The following ZNF717 variants were observed in gnomAD, a reference collection of about 807,000 sequenced individuals.
ZNF717 encodes krueppel-like factor X17.
ZNF717 carries 9 observed loss-of-function variants against 13.8 expected under a neutral mutation model. The ratio of observed to expected loss-of-function variants is 0.65; its 90% confidence interval spans 0.39 to 1.14. The LOEUF (loss-of-function observed/expected upper bound fraction) is 1.14. Ranked by LOEUF, ZNF717 falls within the 50% of genes most tolerant of loss-of-function variation. The pLI, the probability that ZNF717 is intolerant of heterozygous loss-of-function variation, is 0.01. For synonymous variants in ZNF717, 327 were observed against 364.1 expected (o/e 0.90, Z 1.16); for missense variants, 1,040 against 1,080.7 (o/e 0.96, Z 0.53).
At chr3:75,743,219 A>C (rs1940702452) in intron 2 of ZNF717, among the ~76,000 whole-genome samples, 1 of 152,254 alleles carries the variant, frequency 6.6e-6, no homozygotes. Context: ...TCTTTAGATT[A>C]CATATAATAC....
chr3:75,732,003 G>A (rs1266202349), downstream of ZNF717: 27 of 699,396 alleles, frequency 3.9e-5, no homozygotes, highest in Non-Finnish European at 7.0e-5. Context: ...ACAACTCAAG[G>A]AGGTAAAAAC....
intron 2 of ZNF717, among the ~76,000 whole-genome samples, chr3:75,765,007 A>ATGTGTG (rs1559661667): frequency 3.7e-5 from 1 of 26,784 alleles, no homozygotes; most frequent in African/African-American, 1.2e-4. Flanking sequence ...ATATATATAT[A>ATGTGTG]TATATATATA....
chr3:75,783,400 G>C (rs761889832), intron 1 of ZNF717, 36 bp from the exon 2 acceptor site: 1 of 1,515,718 alleles, frequency 6.6e-7, no homozygotes, highest in South Asian at 1.2e-5. Context: ...ATTAAGGAGA[G>C]AACTGGTGTG....
intron 2 of ZNF717, among the ~76,000 whole-genome samples, chr3:75,748,465 A>T (rs1229904193): frequency 3.9e-5 from 6 of 152,202 alleles, no homozygotes; most frequent in Non-Finnish European, 7.3e-5. Flanking sequence ...AACCTAATCC[A>T]GCAGCACATC....
intron 5 of ZNF717, among the ~76,000 whole-genome samples, chr3:75,714,309 G>C (rs796761508): frequency 1.3e-5 from 2 of 151,538 alleles, no homozygotes; most frequent in Non-Finnish European, 2.9e-5. Context: ...ACCACGGTCC[G>C]CTTAGGTCAC....
chr3:75,714,301 C>G (rs1427910943), intron 5 of ZNF717, among the ~76,000 whole-genome samples: 1 of 151,942 alleles, frequency 6.6e-6, no homozygotes, highest in Admixed American at 6.6e-5. Flanking sequence ...ACTGCTAGAC[C>G]ACGGTCCGCT....
At chr3:75,753,109 G>C (rs1281183328) in intron 2 of ZNF717, among the ~76,000 whole-genome samples, 2 of 138,566 alleles carry the variant, frequency 1.4e-5, no homozygotes, top group Non-Finnish European at 3.1e-5. Flanking sequence ...GCTAGGGTCT[G>C]AATATCTGTC....
At chr3:75,721,778 A>G (rs1265370137) in intron 4 of ZNF717, among the ~76,000 whole-genome samples, 1 of 152,130 alleles carries the variant, frequency 6.6e-6, no homozygotes, top group Non-Finnish European at 1.5e-5. Context: ...TGGAGGAATA[A>G]GGTCTCTATT....
downstream of ZNF717, among the ~76,000 whole-genome samples, chr3:75,731,602 C>T (rs1258165514): frequency 1.9e-4 from 29 of 151,734 alleles, no homozygotes; most frequent in African/African-American, 6.8e-4. Context: ...GTAATCAGTC[C>T]ACCTTAACAA....
intron 2 of ZNF717, among the ~76,000 whole-genome samples, chr3:75,778,865 G>T (rs1322384043): frequency 1.3e-5 from 2 of 151,504 alleles, no homozygotes; most frequent in Admixed American, 6.6e-5. Flanking sequence ...CAAAACAATG[G>T]GAGTGATGCG....
chr3:75,745,524 G>T lies in ZNF717; in HGVS notation c.58-3788C>A, dbSNP rs78034451. Among the ~76,000 whole-genome samples the T allele has an allele frequency of 4.3e-4, 62 of 145,316 alleles. 1 individual carries two copies. The highest frequency in any genetic ancestry group is 6.0e-5 in the Non-Finnish European group (4 of 66,644). On this transcript the variant is annotated intron_variant, in intron 2 of 4. Coordinates refer to ENST00000652011, the MANE Select transcript of ZNF717 (RefSeq NM_001290208.3). ...CTTTCTATTTCTCAAGAATGCAATA[G>T]GTCATCATCAATTACAATCACCTTG... is the stretch of plus-strand genomic sequence containing the variant.
intron 6 of ZNF717, among the ~76,000 whole-genome samples, chr3:75,695,419 C>T (rs1402014658): frequency 6.6e-6 from 1 of 152,282 alleles, no homozygotes; most frequent in Admixed American, 6.5e-5. Flanking sequence ...TTGGATAGAC[C>T]TTCCAAATAG....
At chr3:75,746,875 C>A (rs1941233389) in intron 2 of ZNF717, among the ~76,000 whole-genome samples, 1 of 152,176 alleles carries the variant, frequency 6.6e-6, no homozygotes, top group Non-Finnish European at 1.5e-5. Flanking sequence ...TAATTAGATC[C>A]TATTTGTCAA....
intron 2 of ZNF717, among the ~76,000 whole-genome samples, chr3:75,746,636 T>C (rs139376004): frequency 6.6e-6 from 1 of 152,230 alleles, no homozygotes; most frequent in Non-Finnish European, 1.5e-5. Context: ...TGGCCAGTGA[T>C]GATGACCATT....
chr3:75,783,818 C>A (rs1441093826), intron 1 of ZNF717, among the ~76,000 whole-genome samples: 1 of 152,162 alleles, frequency 6.6e-6, no homozygotes, highest in African/African-American at 2.4e-5. Flanking sequence ...ACCTGAACAT[C>A]ATGGAAAGTG....
chr3:75,782,001 C>T (rs1944859799), intron 2 of ZNF717, among the ~76,000 whole-genome samples: 2 of 152,102 alleles, frequency 1.3e-5, no homozygotes, highest in South Asian at 4.1e-4. Context: ...AAAAGCTAGC[C>T]CCTTATCCGG....
intron 6 of ZNF717, among the ~76,000 whole-genome samples, chr3:75,701,765 T>C (rs1937701888): frequency 6.6e-6 from 1 of 152,300 alleles, no homozygotes; most frequent in South Asian, 2.1e-4. Flanking sequence ...CTACAATATA[T>C]TGAGTTCAAA....
rs553700253 is a variant in ZNF717 at position 75,778,729 on chromosome 3, T to C, written c.57+4577A>G. 2.7e-5 allele frequency among the ~76,000 whole-genome samples: 4 copies of C among 145,970 alleles called. No homozygotes were observed. In the South Asian group the frequency reaches 8.7e-4, roughly 32 times the overall value. On this transcript the variant is annotated intron_variant, in intron 2 of 4. Transcript: ENST00000652011. ...AAACCGGAACCCAAAACAATGTGAG[T>C]GATGTGCAAAACCCGTAAACCAAAA...
rs1168567392 is a variant in ZNF717 at position 75,785,459 on chromosome 3, C to G, written c.-78G>C. 2.0e-5 allele frequency: 3 copies of G among 152,664 alleles called. No homozygotes were observed. Among genetic ancestry groups the G allele is most frequent in the African/African-American group, 7.2e-5 (3 of 41,480 alleles). The allele number at this position is 152,664 out of a possible 1,614,324, so 9.5% of individuals were successfully genotyped here. A position where few individuals can be genotyped will look rare whatever the true frequency, so the allele number is the denominator to read the frequency against. ...CAACTGGGGAACACTGGTCCGGCCC[C>G]CCGGGATCCCCCGGGCCCACGGGTT... is the stretch of plus-strand genomic sequence containing the variant. On this transcript the variant is annotated 5_prime_UTR_variant, in exon 1 of 5. Coordinates refer to ENST00000652011, the MANE Select transcript of ZNF717 (RefSeq NM_001290208.3).
Sources: allele counts gnomAD v4.1 joint callset (sites outside exome capture counted in the v4.1 genomes callset), GRCh38; gene constraint gnomAD v4.1.1; transcripts MANE v1.5; gene names NCBI Gene and HGNC (gene_info 2026-07-23, HGNC 2026-07-21).